The following OPN3 variants were observed in gnomAD, a reference collection of about 807,000 sequenced individuals.
OPN3 encodes opsin-3.
In OPN3, 29 loss-of-function variants were observed where a neutral mutation model predicts 33.8. The observed-to-expected ratio is 0.86, with a 90% CI of 0.64 to 1.17. OPN3 has a LOEUF of 1.17. Among genes scored for constraint, OPN3 ranks in the 50% most tolerant of loss-of-function variants. OPN3 has a pLI of 0.00. For synonymous variants in OPN3, 216 were observed against 216.1 expected (o/e 1.00, Z 0.00); for missense variants, 437 against 514.1 (o/e 0.85, Z 1.45).
intron 1 of OPN3, chr1:241,633,949 G>A: frequency 1.2e-6 from 2 of 1,613,910 alleles, no homozygotes; most frequent in Non-Finnish European, 1.7e-6. Flanking sequence ...GTGGAGGGCA[G>A]AATTCTTCAG....
chr1:241,627,035 G>T (rs1664440332), intron 1 of OPN3, among the ~76,000 whole-genome samples: 3 of 152,182 alleles, frequency 2.0e-5, no homozygotes, highest in South Asian at 4.1e-4. Flanking sequence ...TTAAATAGTT[G>T]TCCAGAGTGT....
At position 241,597,866 on chromosome 1, in the gene OPN3, G is replaced by A; in HGVS notation, c.825C>T (p.Cys275=). The A allele has an allele frequency of 6.2e-7, 1 of 1,613,786 alleles. No homozygotes were observed. Among genetic ancestry groups the A allele is most frequent in the Non-Finnish European group, 8.5e-7 (1 of 1,179,944 alleles). ...GACCATGACCATTAACCACCAAGAA[G>A]CAGATCACGATATAAGGCATCCAAC... ...LVCWMPYIVI[C]FLVVNGHGHL... The change falls in exon 3 of 4, where the codon TGC becomes TGT. Residue 275 remains cysteine, a synonymous_variant. Transcript: ENST00000366554.
intron 1 of OPN3, among the ~76,000 whole-genome samples, chr1:241,628,253 C>T (rs1237313925): frequency 2.6e-5 from 4 of 152,092 alleles, no homozygotes; most frequent in East Asian, 1.9e-4. Flanking sequence ...GTTTTAAATG[C>T]TCATTAAGGT....
At chr1:241,596,466 AGAG>A (rs1313508476) in intron 3 of OPN3, among the ~76,000 whole-genome samples, 2 of 152,210 alleles carry the variant, frequency 1.3e-5, no homozygotes, top group African/African-American at 4.8e-5. Flanking sequence ...ACTGTCAGTG[AGAG>A]GAGATTAAGG....
At chr1:241,605,328 A>G (rs646355) in intron 1 of OPN3, among the ~76,000 whole-genome samples, 117,425 of 151,960 alleles carry the variant, frequency 0.77, 46,320 homozygotes, top group African/African-American at 0.93. Context: ...AGTAGCAGTA[A>G]AATGATGCAG....
chr1:241,597,835 C>T lies in OPN3; in HGVS notation c.856G>A (p.Val286Ile). 6.2e-7 allele frequency: 1 copy of T among 1,613,516 alleles called. No homozygotes were observed. Residue 286 changes from valine (V) to isoleucine (I), a missense_variant, in exon 3 of 4, where the codon GTC becomes ATC. Physicochemically the swap from Val to Ile is conservative, Grantham distance 29. Transcript: ENST00000366554. The stretch of plus-strand genomic sequence containing the variant: ...GAAACAATAGATATTGTTGGAGTGA[C>T]CAGGTGACCATGACCATTAACCACC... The part of the protein sequence containing the change: ...FLVVNGHGHL[V>I]TPTISIVSYL...
At chr1:241,616,996 C>A (rs552967582) in intron 1 of OPN3, among the ~76,000 whole-genome samples, 1 of 152,278 alleles carries the variant, frequency 6.6e-6, no homozygotes, top group Non-Finnish European at 1.5e-5. Context: ...TTTATCATCT[C>A]TTATTCTCTA....
chr1:241,621,848 G>A (rs758657134), intron 1 of OPN3, among the ~76,000 whole-genome samples: 1 of 152,070 alleles, frequency 6.6e-6, no homozygotes, highest in South Asian at 2.1e-4. Context: ...ACTGATTTTC[G>A]CAGGGATGTG....
intron 1 of OPN3, among the ~76,000 whole-genome samples, chr1:241,613,891 G>A (rs1373533446): frequency 1.3e-5 from 2 of 152,158 alleles, no homozygotes; most frequent in East Asian, 1.9e-4. Context: ...TTTCAGGTCC[G>A]GTGTGGTGGC....
chr1:241,601,481 G>T (rs1261172367), intron 2 of OPN3, among the ~76,000 whole-genome samples: 1 of 152,078 alleles, frequency 6.6e-6, no homozygotes, highest in African/African-American at 2.4e-5. Context: ...AAGGCGGGCA[G>T]ATCATGAGGT....
At chr1:241,626,515 G>A (rs1664423415) in intron 1 of OPN3, among the ~76,000 whole-genome samples, 4 of 152,130 alleles carry the variant, frequency 2.6e-5, no homozygotes, top group African/African-American at 7.2e-5. Context: ...ACAGAACAAT[G>A]TACAGCTCAT....
chr1:241,599,760 G>A (rs1471257949), intron 2 of OPN3, among the ~76,000 whole-genome samples: 3 of 152,112 alleles, frequency 2.0e-5, no homozygotes, highest in Non-Finnish European at 2.9e-5. Context: ...TATTGAGCAA[G>A]TCAACAACCT....
At chr1:241,597,589 G>T (rs1051961415) in intron 3 of OPN3, among the ~76,000 whole-genome samples, 157 bp downstream of exon 3, 1 of 149,500 alleles carries the variant, frequency 6.7e-6, no homozygotes, top group Non-Finnish European at 1.5e-5. Flanking sequence ...ATTTTCTTTG[G>T]AAATATTCTA....
chr1:241,620,963 C>A (rs1299509013), intron 1 of OPN3, among the ~76,000 whole-genome samples: 1 of 151,968 alleles, frequency 6.6e-6, no homozygotes, highest in African/African-American at 2.4e-5. Context: ...GGAAATGGAC[C>A]TCCATCAAAA....
At chr1:241,596,691 T>TA (rs1287105960) in intron 3 of OPN3, among the ~76,000 whole-genome samples, 7 of 152,328 alleles carry the variant, frequency 4.6e-5, no homozygotes, top group African/African-American at 1.7e-4. Flanking sequence ...ATGGAGTAAT[T>TA]AAGCATTATC....
At chr1:241,639,811 C>T in intron 1 of OPN3, 71 bp downstream of exon 1, 4 of 1,345,362 alleles carry the variant, frequency 3.0e-6, no homozygotes, top group Non-Finnish European at 3.8e-6. Flanking sequence ...GGGGCGGACG[C>T]ACGGAGCGGG....
At chr1:241,599,279 A>G (rs1663619234) in intron 2 of OPN3, among the ~76,000 whole-genome samples, 1 of 151,754 alleles carries the variant, frequency 6.6e-6, no homozygotes, top group Non-Finnish European at 1.5e-5. Flanking sequence ...TTTTGCCATT[A>G]AAGGTAAACC....
intron 1 of OPN3, among the ~76,000 whole-genome samples, chr1:241,620,290 G>A (rs1015856413): frequency 8.5e-5 from 13 of 152,152 alleles, no homozygotes. Flanking sequence ...AGAAACAGAT[G>A]CAATTAACTT....
intron 1 of OPN3, chr1:241,628,762 T>C (rs1664498746): frequency 6.6e-6 from 1 of 152,206 alleles, no homozygotes; most frequent in South Asian, 2.1e-4. Flanking sequence ...CTGAAGATGA[T>C]CTTTTTTGAC....
Sources: gnomAD v4.1 joint callset for allele counts (sites outside exome capture counted in the v4.1 genomes callset) on GRCh38, gnomAD v4.1.1 for gene constraint, MANE v1.5 for transcripts, NCBI Gene and HGNC (gene_info 2026-07-23, HGNC 2026-07-21) for gene names.